The following STPG2 variants were observed in gnomAD, a reference collection of about 807,000 sequenced individuals.
STPG2 encodes sperm-tail PG-rich repeat-containing protein 2.
A neutral mutation model predicts 54.2 loss-of-function variants in STPG2; 56 were observed. That is an observed-to-expected ratio of 1.03 (90% CI 0.83 to 1.29). The LOEUF (loss-of-function observed/expected upper bound fraction) is 1.29, where lower values mean the gene tolerates loss of function less well. STPG2 is among the 50% of genes most tolerant of loss of function. The pLI is 0.00. For synonymous variants in STPG2, 200 were observed against 181.8 expected (o/e 1.10, Z -0.81); for missense variants, 596 against 544.9 (o/e 1.09, Z -0.93).
At chr4:97,456,187 G>A (rs919266059) in intron 4 of STPG2, among the ~76,000 whole-genome samples, 2 of 152,102 alleles carry the variant, frequency 1.3e-5, no homozygotes, top group African/African-American at 4.8e-5. Context: ...TACCCGAAAC[G>A]GGGTAATTTA....
At position 97,912,054 on chromosome 4, in the gene STPG2, T is replaced by C. The variant is rs553212022; in HGVS notation, c.1044+31843A>G. Among the ~76,000 whole-genome samples, 7 of 152,176 alleles carry C rather than the reference T, an allele frequency of 4.6e-5. No homozygotes were observed. In the South Asian group the frequency reaches 1.2e-3, roughly 27 times the overall value. ...TCAGGTGTGGGAGGGACCCAGGCGA[T>C]TAGGGTCCGGAGTGGACCCCCCAAA... is the stretch of plus-strand genomic sequence containing the variant. On this transcript the variant is annotated intron_variant, in intron 8 of 10. Transcript: ENST00000295268.
At chr4:97,982,075 G>A (rs1036094350) in intron 5 of STPG2, among the ~76,000 whole-genome samples, 2 of 151,666 alleles carry the variant, frequency 1.3e-5, no homozygotes, top group Non-Finnish European at 1.5e-5. Flanking sequence ...TAGTAGAAAC[G>A]GGGTTTCACC....
chr4:98,061,631 C>G (rs1024556552), intron 5 of STPG2, among the ~76,000 whole-genome samples: 2 of 151,694 alleles, frequency 1.3e-5, no homozygotes, highest in Non-Finnish European at 2.9e-5. Flanking sequence ...AAAAAGTGAG[C>G]AAAGTACATG....
intron 3 of STPG2, among the ~76,000 whole-genome samples, chr4:98,111,719 T>G (rs1373002128): frequency 1.3e-5 from 2 of 152,166 alleles, no homozygotes; most frequent in Non-Finnish European, 2.9e-5. Flanking sequence ...GGGTATGTAT[T>G]TGAGGCTGTT....
chr4:97,898,982 A>G (rs1731064991), intron 8 of STPG2, among the ~76,000 whole-genome samples: 1 of 151,778 alleles, frequency 6.6e-6, no homozygotes, highest in Non-Finnish European at 1.5e-5. Flanking sequence ...GCAATCAGGC[A>G]AGAGAAAAAA....
intron 10 of STPG2, among the ~76,000 whole-genome samples, chr4:97,667,314 TAAAC>T (rs1560710307): frequency 1.3e-5 from 2 of 152,292 alleles, no homozygotes; most frequent in South Asian, 4.1e-4. Context: ...TATAAAAACA[TAAAC>T]AAAGAAGAAT....
chr4:97,626,377 G>A (rs1734139155), intron 10 of STPG2, among the ~76,000 whole-genome samples: 2 of 152,056 alleles, frequency 1.3e-5, no homozygotes, highest in South Asian at 2.1e-4. Flanking sequence ...TATTCTTCAA[G>A]GCTCAAATTA....
At chr4:97,456,350 G>A (rs1233904037) in intron 4 of STPG2, among the ~76,000 whole-genome samples, 2 of 151,852 alleles carry the variant, frequency 1.3e-5, no homozygotes, top group Non-Finnish European at 2.9e-5. Flanking sequence ...GAGCCAAGGG[G>A]GAAAGTGCCA....
At chr4:97,671,386 G>C (rs1484331371) in intron 10 of STPG2, among the ~76,000 whole-genome samples, 1 of 152,106 alleles carries the variant, frequency 6.6e-6, no homozygotes, top group Non-Finnish European at 1.5e-5. Flanking sequence ...TACATATGTA[G>C]GCCTCGTATT....
intron 8 of STPG2, among the ~76,000 whole-genome samples, chr4:97,898,938 C>A (rs984004746): frequency 6.6e-6 from 1 of 151,476 alleles, no homozygotes; most frequent in Non-Finnish European, 1.5e-5. Flanking sequence ...GAGGTGAACT[C>A]CTATTCAACA....
chr4:97,585,664 G>A (rs536373261), intron 10 of STPG2, among the ~76,000 whole-genome samples: 1 of 152,026 alleles, frequency 6.6e-6, no homozygotes, highest in African/African-American at 2.4e-5. Context: ...ATCACTCTGG[G>A]AGAATGCTCA....
intron 5 of STPG2, among the ~76,000 whole-genome samples, chr4:97,993,390 C>A (rs1735083866): frequency 1.3e-5 from 2 of 152,124 alleles, no homozygotes; most frequent in Admixed American, 6.6e-5. Flanking sequence ...TATTGACTTG[C>A]AGATGTCAAA....
At chr4:98,079,581 TTTA>T (rs1269449784) in intron 5 of STPG2, among the ~76,000 whole-genome samples, 1 of 152,214 alleles carries the variant, frequency 6.6e-6, no homozygotes, top group Non-Finnish European at 1.5e-5. Context: ...ACTACTTCTC[TTTA>T]TTAATTCTTA....
chr4:97,905,107 G>A (rs926095812), intron 8 of STPG2, among the ~76,000 whole-genome samples: 6 of 151,402 alleles, frequency 4.0e-5, no homozygotes, highest in Admixed American at 1.3e-4. Flanking sequence ...TACAGAGAAC[G>A]CCACAAAGAT....
intron 1 of STPG2, among the ~76,000 whole-genome samples, chr4:98,135,943 A>T (rs1560695630): frequency 6.6e-6 from 1 of 151,726 alleles, no homozygotes; most frequent in African/African-American, 2.4e-5. Context: ...AAAATGAATC[A>T]TACAAATTAC....
intron 5 of STPG2, among the ~76,000 whole-genome samples, chr4:98,060,127 A>G (rs1002400365): frequency 4.7e-4 from 72 of 152,220 alleles, no homozygotes; most frequent in African/African-American, 1.6e-3. Flanking sequence ...AGGAAGTCAA[A>G]CTATCTTTGT....
At chr4:97,506,019 C>CAAAAAAAAAAAAAAAAAAAAAAAAA in intron 4 of STPG2, among the ~76,000 whole-genome samples, 1 of 16,922 alleles carries the variant, frequency 5.9e-5, no homozygotes, top group Non-Finnish European at 1.2e-4. Flanking sequence ...AATAGGAGAC[C>CAAAAAAAAAAAAAAAAAAAAAAAAA]AAAAAAAAAA....
intron 5 of STPG2, among the ~76,000 whole-genome samples, chr4:97,987,889 T>C (rs959920252): frequency 2.0e-5 from 3 of 152,074 alleles, no homozygotes; most frequent in Non-Finnish European, 4.4e-5. Flanking sequence ...TCCTTGTCCA[T>C]CTTCAGTCTA....
intron 9 of STPG2, among the ~76,000 whole-genome samples, chr4:97,801,165 G>A (rs930049696): frequency 2.0e-5 from 3 of 152,168 alleles, no homozygotes; most frequent in Admixed American, 6.5e-5. Context: ...CTCAGCTCAT[G>A]CTCAGTGGGC....
Sources: allele counts gnomAD v4.1 joint callset (sites outside exome capture counted in the v4.1 genomes callset), GRCh38; gene constraint gnomAD v4.1.1; transcripts MANE v1.5; gene names NCBI Gene and HGNC (gene_info 2026-07-23, HGNC 2026-07-21).